NRXN2: variants seen among roughly 807,000 people sequenced by gnomAD.
The protein encoded by NRXN2 is neurexin-2-beta.
A neutral mutation model predicts 128.8 loss-of-function variants in NRXN2; 29 were observed. The observed-to-expected ratio is 0.23, with a 90% confidence interval of 0.17 to 0.31. The LOEUF (loss-of-function observed/expected upper bound fraction) is 0.31. Ranked by LOEUF, NRXN2 falls within the 10% of genes least tolerant of loss-of-function variation. The pLI is 1.00. For synonymous variants in NRXN2, 1,098 were observed against 1,075.2 expected (o/e 1.02, Z -0.41); for missense variants, 1,881 against 2,452.6 (o/e 0.77, Z 4.92).
chr11:64,613,514 C>A (rs2040997235), intron 22 of NRXN2, among the ~76,000 whole-genome samples: 1 of 152,184 alleles, frequency 6.6e-6, no homozygotes, highest in South Asian at 2.1e-4. Context: ...CGTACCAGTG[C>A]CCCAGCAGCC....
chr11:64,608,921 G>A (rs1165105145), intron 22 of NRXN2, among the ~76,000 whole-genome samples: 1 of 152,158 alleles, frequency 6.6e-6, no homozygotes, highest in Non-Finnish European at 1.5e-5. Context: ...GCCATGTAGG[G>A]ATTGCTACAT....
intron 17 of NRXN2, chr11:64,642,541 T>C (rs2045863737): frequency 6.2e-7 from 1 of 1,608,238 alleles, no homozygotes; most frequent in East Asian, 2.3e-5. Flanking sequence ...CCACTTACCG[T>C]GGCCGCCGCG....
At position 64,630,924 on chromosome 11, in the gene NRXN2, G is replaced by T. The variant is rs561635012; in HGVS notation, c.3586-351C>A. Among the ~76,000 whole-genome samples, 1 of 152,208 alleles carries T rather than the reference G, an allele frequency of 6.6e-6. No individual in the cohort carries two copies. The highest frequency in any genetic ancestry group is 1.5e-5 in the Non-Finnish European group (1 of 68,024). On this transcript the variant is annotated intron_variant, in intron 18 of 22. Transcript: ENST00000265459. This position sits in a 1 kb window ranked among gnomAD's most constrained non-coding sequence, Gnocchi z 4.6. ...ATCGGGCCAAGCTGGGGACCAGCTC[G>T]GGGCATGGAGGGCAGAGGCCTCTCT...
At position 64,660,566 on chromosome 11, in the gene NRXN2, A is replaced by G. The variant is rs2048882503; in HGVS notation, c.2186-31T>C. ...CACAGGAGTTGGGGAAGAGGGAAGG[A>G]GAAGACAGGCAGAGGCCAGGGGAGG... On this transcript the variant is annotated intron_variant, in intron 10 of 22. Transcript: ENST00000265459. The surrounding 1 kb of genome is among the most constrained non-coding windows in gnomAD (Gnocchi z 5.2). 1 of 1,610,944 alleles carries G rather than the reference A, an allele frequency of 6.2e-7. No individual in the cohort carries two copies. The highest frequency in any genetic ancestry group is 1.3e-5 in the African/African-American group (1 of 74,964).
In NRXN2 at chr11:64,677,020, G is replaced by C; in HGVS notation, c.1170C>G (p.His390Gln). 2 of 1,593,984 alleles carry C rather than the reference G, an allele frequency of 1.3e-6. No individual in the cohort carries two copies. The highest frequency in any genetic ancestry group is 1.7e-6 in the Non-Finnish European group (2 of 1,168,216). ...GATAATGCAGTTTGTTTACCATAGC[G>C]TGTCCAATCCCTGCGTGCTTCACCG... ...RNLRQHAGIG[H>Q]AMVNKLHYLV... Residue 390 changes from histidine (H) to glutamine (Q), a missense_variant, in exon 7 of 23, where the codon CAC becomes CAG. His to Gln is a conservative substitution (Grantham distance 24). Transcript: ENST00000265459.
At chr11:64,647,175 G>A (rs994034660) in intron 17 of NRXN2, among the ~76,000 whole-genome samples, 3 of 151,772 alleles carry the variant, frequency 2.0e-5, no homozygotes, top group South Asian at 2.1e-4. Context: ...CTCTCCAGCC[G>A]TATTCCATGT....
At chr11:64,719,348 T>A (rs887424101) in intron 1 of NRXN2, among the ~76,000 whole-genome samples, 1 of 152,250 alleles carries the variant, frequency 6.6e-6, no homozygotes, top group African/African-American at 2.4e-5. Flanking sequence ...GATTTGGTTC[T>A]GTCTAATCCC....
At chr11:64,697,177 C>T (rs898700584) in intron 3 of NRXN2, among the ~76,000 whole-genome samples, 2 of 152,138 alleles carry the variant, frequency 1.3e-5, no homozygotes, top group African/African-American at 2.4e-5. Flanking sequence ...ACCTAGCAAC[C>T]TGTGGGGCAG....
chr11:64,620,491 C>G (rs2042163751), intron 21 of NRXN2, 119 bp from the exon 22 acceptor site: 1 of 785,930 alleles, frequency 1.3e-6, no homozygotes, highest in Admixed American at 2.0e-5. Flanking sequence ...ACGGACCAGA[C>G]TGGTCTGAGT....
At chr11:64,700,489 T>G (rs1273807089) in intron 2 of NRXN2, among the ~76,000 whole-genome samples, 2 of 152,176 alleles carry the variant, frequency 1.3e-5, no homozygotes, top group East Asian at 1.9e-4. Context: ...GACCCTCACA[T>G]GCAATATCAC....
intron 3 of NRXN2, 158 bp from the exon 4 acceptor site, chr11:64,693,034 T>C (rs1328161342): frequency 7.0e-6 from 5 of 716,372 alleles, no homozygotes; most frequent in Non-Finnish European, 1.2e-5. Flanking sequence ...TTTTTTAACT[T>C]GTGACAGACA....
Position 64,648,488 on chromosome 11 carries a change from AG to A in NRXN2, c.3284-151del. On this transcript the variant is annotated intron_variant, in intron 16 of 22. Coordinates refer to ENST00000265459, the MANE Select transcript of NRXN2 (RefSeq NM_015080.4). This position sits in a 1 kb window ranked among gnomAD's most constrained non-coding sequence, Gnocchi z 4.1. ...AAGTACTGATGACAGGGATTGGGGCAGGAGGGTCAGGTCTGCTAGGCTTGGC... is the reference window on the plus strand; with the variant it reads ...AAGTACTGATGACAGGGATTGGGGCAGAGGGTCAGGTCTGCTAGGCTTGGC... The A allele has an allele frequency of 7.5e-7, 1 of 1,326,710 alleles. No homozygotes were observed. The highest frequency in any genetic ancestry group is 1.1e-6 in the Non-Finnish European group (1 of 947,030). 82.2% of individuals were successfully genotyped at this position (1,326,710 alleles called of 1,614,324 possible).
chr11:64,681,481 C>T (rs2052281514), intron 6 of NRXN2, among the ~76,000 whole-genome samples: 2 of 152,096 alleles, frequency 1.3e-5, no homozygotes, highest in South Asian at 4.1e-4. Context: ...AGGAAGGGAT[C>T]AAGGAAGGCT....
Position 64,713,833 on chromosome 11 carries a change from GCCCGGC to G in NRXN2, c.-140_-135del. The G allele has an allele frequency of 2.3e-6, 1 of 443,264 alleles. No homozygotes were observed. Among genetic ancestry groups the G allele is most frequent in the Middle Eastern group, 1.1e-3 (1 of 876 alleles). 27.5% of individuals were successfully genotyped at this position (443,264 alleles called of 1,614,324 possible). A position where few individuals can be genotyped will look rare whatever the true frequency, so the allele number is the denominator to read the frequency against. ...CCCTTGCAGGCTCACAGTGCCATGGGCCCGGCCGCGGGGCGAGGCGCGCAGAGGCCC... is the reference window on the plus strand; with the variant it reads ...CCCTTGCAGGCTCACAGTGCCATGGGCGCGGGGCGAGGCGCGCAGAGGCCC... On this transcript the variant is annotated 5_prime_UTR_variant, in exon 2 of 23. Transcript: ENST00000265459.
intron 14 of NRXN2, 144 bp from the exon 15 acceptor site, chr11:64,650,782 A>T: frequency 1.4e-6 from 1 of 738,540 alleles, no homozygotes; most frequent in Admixed American, 2.2e-5. Context: ...AGCGACCAAA[A>T]CCAATGGCAA....
intron 11 of NRXN2, among the ~76,000 whole-genome samples, chr11:64,656,679 C>T (rs1397026632): frequency 3.3e-5 from 5 of 150,938 alleles, no homozygotes; most frequent in African/African-American, 9.7e-5. Flanking sequence ...CTGGCCTGTC[C>T]TCTCCTCCCC....
At chr11:64,709,908 CTT>C (rs530817393) in intron 2 of NRXN2, among the ~76,000 whole-genome samples, 16 of 139,806 alleles carry the variant, frequency 1.1e-4, no homozygotes, top group Admixed American at 3.6e-4. Flanking sequence ...TTTCTTCTTC[CTT>C]TTTTTTTTTT....
intron 2 of NRXN2, among the ~76,000 whole-genome samples, chr11:64,701,582 C>T (rs984810505): frequency 6.6e-6 from 1 of 152,070 alleles, no homozygotes; most frequent in South Asian, 2.1e-4. Context: ...TACAAACAAA[C>T]GCAAAAATTA....
intron 17 of NRXN2, among the ~76,000 whole-genome samples, chr11:64,641,053 C>T (rs2045587996): frequency 6.6e-6 from 1 of 151,980 alleles, no homozygotes; most frequent in South Asian, 2.1e-4. Context: ...CATGGGAGGC[C>T]ACCTGGGTAC....
Sources: allele counts gnomAD v4.1 joint callset (sites outside exome capture counted in the v4.1 genomes callset), GRCh38; gene constraint gnomAD v4.1.1; non-coding constraint Gnocchi (gnomAD v3.1); transcripts MANE v1.5; gene names NCBI Gene and HGNC (gene_info 2026-07-23, HGNC 2026-07-21).